SLC22A23: variants seen among roughly 807,000 people sequenced by gnomAD.
The protein encoded by SLC22A23 is solute carrier family 22 member 23.
Under a neutral mutation model 61.0 loss-of-function variants are expected in SLC22A23, and 26 were observed. The ratio of observed to expected loss-of-function variants is 0.43; its 90% CI spans 0.31 to 0.59. The LOEUF (loss-of-function observed/expected upper bound fraction) is 0.59, where lower values mean the gene tolerates loss of function less well. Ranked by LOEUF, SLC22A23 falls within the 20% of genes least tolerant of loss-of-function variation. The probability of loss-of-function intolerance (pLI) is 0.11; values close to 1 mark genes in which losing one functional copy is unlikely to be tolerated. For synonymous variants in SLC22A23, 430 were observed against 413.9 expected, an observed-to-expected ratio of 1.04 and a Z score of -0.47; for missense variants, 796 against 934.7, an observed-to-expected ratio of 0.85 and a Z score of 1.94.
At chr6:3,352,770 C>T (rs1355804186) in intron 3 of SLC22A23, among the ~76,000 whole-genome samples, 9 of 152,148 alleles carry the variant, frequency 5.9e-5, no homozygotes, top group African/African-American at 1.2e-4. Context: ...AGAGAAATGA[C>T]AATTCTTTAA....
In SLC22A23 at chr6:3,328,897, C is replaced by G. The variant is rs575765752; in HGVS notation, c.914-4895G>C. Among the ~76,000 whole-genome samples, 25 of 152,212 alleles carry G rather than the reference C, an allele frequency of 1.6e-4. No homozygotes were observed. The East Asian group carries it at 4.6e-3, about 28-fold the overall frequency. ...AAGCCCATCTCCGAAGCTGCACCCC[C>G]TCCCTCCCCTTCTTACTCCCCACTC... On this transcript the variant is annotated intron_variant, in intron 3 of 9. Transcript: ENST00000406686. This position sits in a 1 kb window ranked among gnomAD's most constrained non-coding sequence, Gnocchi z 5.0.
chr6:3,352,410 A>G (rs1419192549), intron 3 of SLC22A23, among the ~76,000 whole-genome samples: 2 of 151,830 alleles, frequency 1.3e-5, no homozygotes, highest in Non-Finnish European at 2.9e-5. Context: ...CAGCCACAGA[A>G]GCTCACCGGC....
At position 3,328,536 on chromosome 6, in the gene SLC22A23, G is replaced by C. The variant is rs564130480; in HGVS notation, c.914-4534C>G. On this transcript the variant is annotated intron_variant, in intron 3 of 9. Transcript: ENST00000406686. This position sits in a 1 kb window ranked among gnomAD's most constrained non-coding sequence, Gnocchi z 5.0. ...CAAACAGGAACCCCGGTGCTGCCAG[G>C]AGAGAGCTGACTTTGAGCGAGGGGC... Among the ~76,000 whole-genome samples the C allele has an allele frequency of 6.6e-6, 1 of 152,256 alleles. No homozygotes were observed. The highest frequency in any genetic ancestry group is 1.5e-5 in the Non-Finnish European group (1 of 68,014).
chr6:3,339,259 C>G (rs1409695972), intron 3 of SLC22A23, among the ~76,000 whole-genome samples: 1 of 152,152 alleles, frequency 6.6e-6, no homozygotes, highest in Non-Finnish European at 1.5e-5. Context: ...AATCCACCAC[C>G]AGGCACACAG....
At chr6:3,302,758 T>C (rs936616712) in intron 4 of SLC22A23, 1 of 152,248 alleles carries the variant, frequency 6.6e-6, no homozygotes, top group African/African-American at 2.4e-5. Flanking sequence ...CCTCTTGTTA[T>C]CTGATTTCTA....
At chr6:3,279,294 C>T (rs536876630) in intron 9 of SLC22A23, among the ~76,000 whole-genome samples, 6 of 151,588 alleles carry the variant, frequency 4.0e-5, no homozygotes, top group East Asian at 3.9e-4. Context: ...GGGCAGATCA[C>T]GAGGTCAGGA....
rs2127367989 is a variant in SLC22A23 at position 3,304,665 on chromosome 6, CA to C, written c.1083-6448del. Among the ~76,000 whole-genome samples, 1 of 152,174 alleles carries C rather than the reference CA, an allele frequency of 6.6e-6. No individual in the cohort carries two copies. Among genetic ancestry groups the C allele is most frequent in the African/African-American group, 2.4e-5 (1 of 41,542 alleles). On this transcript the variant is annotated intron_variant, in intron 4 of 9. Transcript: ENST00000406686. The surrounding 1 kb of genome is among the most constrained non-coding windows in gnomAD (Gnocchi z 4.3). ...TGGGGGCAGTCCCAGGCAGGTGGTC[CA>C]GGGGCTGGTCAGGGGAGGCTCTGGA...
At chr6:3,365,351 C>T (rs533154090) in intron 3 of SLC22A23, among the ~76,000 whole-genome samples, 11 of 152,194 alleles carry the variant, frequency 7.2e-5, no homozygotes, top group South Asian at 4.1e-4. Flanking sequence ...CAAAATAAAC[C>T]GCCCTAGCTC....
chr6:3,397,349 G>T (rs757119993), intron 3 of SLC22A23, among the ~76,000 whole-genome samples: 1 of 152,192 alleles, frequency 6.6e-6, no homozygotes, highest in African/African-American at 2.4e-5. Flanking sequence ...TGACAATTCC[G>T]TGTCACCTAT....
chr6:3,455,765 G>T, intron 1 of SLC22A23, 141 bp downstream of exon 1: 1 of 1,039,722 alleles, frequency 9.6e-7, no homozygotes, highest in South Asian at 1.8e-5. Flanking sequence ...TTGGGGGACG[G>T]AAGGAGATTA....
intron 1 of SLC22A23, among the ~76,000 whole-genome samples, chr6:3,422,609 T>C (rs961397353): frequency 6.6e-6 from 1 of 152,212 alleles, no homozygotes; most frequent in Admixed American, 6.5e-5. Flanking sequence ...TTTAGGAGGT[T>C]TGCTGTCAAC....
Position 3,269,444 on chromosome 6 carries a change from C to T in SLC22A23, c.*3611G>A, listed in dbSNP as rs1264585332. Reference sequence around the variant, plus strand: ...ATACCATCAGGTGAGGTAGGGAAGACATTCCAGAGGAAATCTGTTAATGGG... The same window carrying T: ...ATACCATCAGGTGAGGTAGGGAAGATATTCCAGAGGAAATCTGTTAATGGG... On this transcript the variant is annotated 3_prime_UTR_variant, in exon 10 of 10. Coordinates refer to ENST00000406686, the MANE Select transcript of SLC22A23 (RefSeq NM_015482.2). 6.6e-6 allele frequency: 1 copy of T among 152,658 alleles called. No individual in the cohort carries two copies. Among genetic ancestry groups the T allele is most frequent in the East Asian group, 1.9e-4 (1 of 5,344 alleles). The allele number at this position is 152,658 out of a possible 1,614,324, so 9.5% of individuals were successfully genotyped here.
chr6:3,288,219 C>T (rs1041668670), intron 6 of SLC22A23, among the ~76,000 whole-genome samples: 4 of 152,264 alleles, frequency 2.6e-5, no homozygotes, highest in Middle Eastern at 3.4e-3. Flanking sequence ...CCTCGAGGGA[C>T]CCTTCTTATG....
intron 3 of SLC22A23, among the ~76,000 whole-genome samples, chr6:3,335,762 A>G (rs1387555410): frequency 2.0e-5 from 3 of 152,192 alleles, no homozygotes; most frequent in East Asian, 1.9e-4. Context: ...CACCAACCTA[A>G]TAAGATATCT....
intron 3 of SLC22A23, among the ~76,000 whole-genome samples, chr6:3,354,101 T>C (rs1379903467): frequency 6.6e-6 from 1 of 152,228 alleles, no homozygotes; most frequent in African/African-American, 2.4e-5. Context: ...GAAATTTCGA[T>C]GGTGATCACA....
chr6:3,350,166 AT>A (rs1764681343), intron 3 of SLC22A23, among the ~76,000 whole-genome samples: 1 of 152,196 alleles, frequency 6.6e-6, no homozygotes, highest in Non-Finnish European at 1.5e-5. Flanking sequence ...GATGCACTTA[AT>A]TCTATTTTTT....
chr6:3,380,171 G>A (rs1235198746), intron 3 of SLC22A23, among the ~76,000 whole-genome samples: 1 of 152,132 alleles, frequency 6.6e-6, no homozygotes, highest in South Asian at 2.1e-4. Context: ...ACTCCATAGG[G>A]GTGAGTGGCT....
At chr6:3,273,961 G>A (rs762224360) in intron 9 of SLC22A23, among the ~76,000 whole-genome samples, 2 of 152,184 alleles carry the variant, frequency 1.3e-5, no homozygotes, top group Non-Finnish European at 2.9e-5. Context: ...TGGCCCACGT[G>A]TCTCCTGAAA....
chr6:3,289,703 A>C, intron 6 of SLC22A23, 61 bp downstream of exon 6: 2 of 1,404,648 alleles, frequency 1.4e-6, no homozygotes, highest in Non-Finnish European at 2.0e-6. Context: ...GGGCTTCACC[A>C]CTCCCCACCT....
Sources: gnomAD v4.1 joint callset for allele counts (sites outside exome capture counted in the v4.1 genomes callset) on GRCh38, gnomAD v4.1.1 for gene constraint, Gnocchi (gnomAD v3.1) non-coding constraint, MANE v1.5 for transcripts, NCBI Gene and HGNC (gene_info 2026-07-23, HGNC 2026-07-21) for gene names.